The following SETD5 variants were observed in gnomAD, a reference collection of about 807,000 sequenced individuals.
The protein encoded by SETD5 is histone-lysine N-methyltransferase SETD5.
A neutral mutation model predicts 153.3 loss-of-function variants in SETD5; 44 were observed. The ratio of observed to expected loss-of-function variants is 0.29; its 90% CI spans 0.23 to 0.37. The LOEUF (loss-of-function observed/expected upper bound fraction) is 0.37. Among genes scored for constraint, SETD5 ranks in the 10% least tolerant of loss-of-function variants. The pLI is 1.00. For synonymous variants in SETD5, 716 were observed against 645.2 expected, an observed-to-expected ratio of 1.11 and a Z score of -1.66; for missense variants, 1,544 against 1,768.0, an observed-to-expected ratio of 0.87 and a Z score of 2.27.
intron 1 of SETD5, among the ~76,000 whole-genome samples, chr3:9,402,817 G>A (rs1000711782): frequency 2.6e-5 from 4 of 152,200 alleles, no homozygotes; most frequent in African/African-American, 9.7e-5. Flanking sequence ...CCTAATGGAG[G>A]GGAAAATGCT....
chr3:9,411,592 T>C (rs920764902), intron 1 of SETD5, among the ~76,000 whole-genome samples: 1 of 152,244 alleles, frequency 6.6e-6, no homozygotes, highest in Non-Finnish European at 1.5e-5. Flanking sequence ...TTTAATTCTT[T>C]GGTCTAATAG....
At chr3:9,465,687 C>G (rs940846593) in intron 18 of SETD5, among the ~76,000 whole-genome samples, 1 of 152,202 alleles carries the variant, frequency 6.6e-6, no homozygotes, top group African/African-American at 2.4e-5. Context: ...TTCTTTCTTA[C>G]CCTAGACCTC....
chr3:9,431,729 G>T, intron 3 of SETD5: 1 of 985,502 alleles, frequency 1.0e-6, no homozygotes, highest in Non-Finnish European at 1.2e-6. Flanking sequence ...AAGTGCATAT[G>T]TTCATATTTA....
intron 2 of SETD5, among the ~76,000 whole-genome samples, chr3:9,426,943 C>A (rs1430147611): frequency 6.6e-6 from 1 of 152,138 alleles, no homozygotes; most frequent in Non-Finnish European, 1.5e-5. Context: ...GAGTGCAGTG[C>A]ATGATTATGG....
In SETD5 at chr3:9,434,970, C is replaced by T. The variant is rs2040382101; in HGVS notation, c.388+88C>T. The T allele has an allele frequency of 2.2e-5, 33 of 1,475,832 alleles. No individual in the cohort carries two copies. The South Asian group carries it at 2.6e-4, about 12-fold the overall frequency. The allele number at this position is 1,475,832 out of a possible 1,614,324, so 91.4% of individuals were successfully genotyped here. A position where few individuals can be genotyped will look rare whatever the true frequency, so the allele number is the denominator to read the frequency against. ...ATTTTAAGAACCCCTCTTGGCCAGG[C>T]GCAGTGGCTTACGCCTGTAATCTCA... On this transcript the variant is annotated intron_variant, in intron 6 of 22. Coordinates refer to ENST00000402198, the MANE Select transcript of SETD5 (RefSeq NM_001080517.3). This position sits in a 1 kb window ranked among gnomAD's most constrained non-coding sequence, Gnocchi z 5.6.
chr3:9,420,238 GATAATA>G (rs59123966), intron 1 of SETD5, among the ~76,000 whole-genome samples: 1,616 of 151,976 alleles, frequency 0.011, 33 homozygotes, highest in African/African-American at 0.036. Flanking sequence ...ACAATATTTA[GATAATA>G]ATAATAATAA....
chr3:9,440,767 A>G (rs1423720505), intron 8 of SETD5, 69 bp downstream of exon 8: 3 of 1,518,920 alleles, frequency 2.0e-6, no homozygotes, highest in African/African-American at 2.7e-5. Context: ...AGGGTAATGG[A>G]TTGGAATTAC....
Position 9,476,414 on chromosome 3 carries a change from C to G in SETD5, c.*323C>G, listed in dbSNP as rs2045854311. The G allele has an allele frequency of 3.8e-6, 1 of 263,026 alleles. No homozygotes were observed. Among genetic ancestry groups the G allele is most frequent in the Admixed American group, 4.8e-5 (1 of 20,944 alleles). 16.3% of individuals were successfully genotyped at this position (263,026 alleles called of 1,614,324 possible). ...TGAAGCCTCCGTCTCCCATCCTTGC[C>G]TGTAGCCCGTAGTCACTTGTGCAGT... On this transcript the variant is annotated 3_prime_UTR_variant, in exon 23 of 23. Transcript: ENST00000402198.
At chr3:9,419,913 G>A (rs574787143) in intron 1 of SETD5, among the ~76,000 whole-genome samples, 1 of 152,300 alleles carries the variant, frequency 6.6e-6, no homozygotes, top group Admixed American at 6.5e-5. Flanking sequence ...GGCACGTGTA[G>A]AGATATGAGA....
intron 22 of SETD5, 111 bp downstream of exon 22, chr3:9,475,267 C>A: frequency 8.2e-7 from 1 of 1,217,744 alleles, no homozygotes; most frequent in Non-Finnish European, 1.1e-6. Context: ...TTTCAGCAGC[C>A]TTGGAAATAA....
At chr3:9,438,357 C>A (rs1463825376) in intron 7 of SETD5, among the ~76,000 whole-genome samples, 1 of 152,062 alleles carries the variant, frequency 6.6e-6, no homozygotes, top group East Asian at 1.9e-4. Context: ...TAGCCCTAAT[C>A]CTGGCTACTA....
In SETD5 at chr3:9,470,497, A is replaced by T. The variant is rs1197910931; in HGVS notation, c.2763A>T (p.Gly921=). The change falls in exon 19 of 23, where the codon GGA becomes GGT. Residue 921 remains glycine (G), a synonymous_variant. Coordinates refer to ENST00000402198, the MANE Select transcript of SETD5 (RefSeq NM_001080517.3). ...HRKDLDLAKV[G]YLDSNTNSCA... ...AAGACCTGGATTTGGCAAAAGTAGG[A>T]TACCTTGACTCCAACACTAACAGCT... 4 of 1,613,444 alleles carry T rather than the reference A, an allele frequency of 2.5e-6. No homozygotes were observed. Among genetic ancestry groups the T allele is most frequent in the Admixed American group, 3.3e-5 (2 of 59,968 alleles).
chr3:9,441,521 T>A, intron 8 of SETD5, 72 bp from the exon 9 acceptor site: 1 of 1,375,804 alleles, frequency 7.3e-7, no homozygotes, highest in Non-Finnish European at 1.0e-6. Context: ...TTTTCCTTAA[T>A]TATGAAGTAA....
At chr3:9,417,184 T>G (rs761115139) in intron 1 of SETD5, among the ~76,000 whole-genome samples, 19 of 152,110 alleles carry the variant, frequency 1.2e-4, no homozygotes, top group Non-Finnish European at 2.2e-4. Context: ...GATTGGAGGG[T>G]TCACACCCCA....
At chr3:9,404,825 T>C (rs2035403951) in intron 1 of SETD5, among the ~76,000 whole-genome samples, 2 of 152,218 alleles carry the variant, frequency 1.3e-5, no homozygotes, top group Non-Finnish European at 2.9e-5. Context: ...TTTTGATAAC[T>C]GTTAGGGCTC....
At chr3:9,440,425 T>C (rs1294039081) in intron 7 of SETD5, 31 bp from the exon 8 acceptor site, 3 of 1,236,540 alleles carry the variant, frequency 2.4e-6, no homozygotes, top group Non-Finnish European at 3.6e-6. Context: ...TGCATGGACT[T>C]TACTAACCTC....
intron 18 of SETD5, chr3:9,468,600 C>T (rs769073201): frequency 4.3e-5 from 56 of 1,303,574 alleles, no homozygotes; most frequent in Non-Finnish European, 5.4e-5. Context: ...ATCTCAATCA[C>T]ACTTGGAGGC....
intron 19 of SETD5, among the ~76,000 whole-genome samples, chr3:9,471,625 A>G (rs2045314732): frequency 6.6e-6 from 1 of 152,232 alleles, no homozygotes; most frequent in Non-Finnish European, 1.5e-5. Flanking sequence ...GGGCCAGGCC[A>G]TAGAGAGCTT....
chr3:9,445,280 A>G lies in SETD5; in HGVS notation c.1420A>G (p.Thr474Ala). 6.2e-7 allele frequency: 1 copy of G among 1,606,092 alleles called. No homozygotes were observed. The highest frequency in any genetic ancestry group is 8.5e-7 in the Non-Finnish European group (1 of 1,175,846). Reference protein sequence around the residue: ...QQSQEVPEKVTVSSDHEEVDN... With the variant: ...QQSQEVPEKVAVSSDHEEVDN... ...ATCACAAGAAGTTCCAGAAAAAGTA[A>G]CTGTATCCAGTGATCATGAGGTAAT... Residue 474 changes from threonine (T) to alanine (A), a missense_variant, in exon 12 of 23, where the codon ACT becomes GCT. By Grantham distance (58) the Thr-to-Ala change is moderately conservative (BLOSUM62 0). This residue lies in a region of SETD5 where 782 missense variants were observed against 787.2 expected (regional missense o/e 0.99). Transcript: ENST00000402198.
Sources: allele counts gnomAD v4.1 joint callset (sites outside exome capture counted in the v4.1 genomes callset), GRCh38; gene constraint gnomAD v4.1.1; regional missense constraint gnomAD v4.1.1; non-coding constraint Gnocchi (gnomAD v3.1); transcripts MANE v1.5; gene names NCBI Gene and HGNC (gene_info 2026-07-23, HGNC 2026-07-21).